RRN3: variants seen among roughly 807,000 people sequenced by gnomAD.
RRN3 encodes RNA polymerase I-specific transcription initiation factor RRN3.
In RRN3, 38 loss-of-function variants were observed where a neutral mutation model predicts 82.3. The ratio of observed to expected loss-of-function variants is 0.46; its 90% confidence interval spans 0.36 to 0.61. The LOEUF is 0.61. RRN3 is among the 20% of genes least tolerant of loss of function. The probability of loss-of-function intolerance (pLI) is 0.00; values close to 1 mark genes in which losing one functional copy is unlikely to be tolerated. For synonymous variants in RRN3, 284 were observed against 284.3 expected, an observed-to-expected ratio of 1.00 and a Z score of 0.01; for missense variants, 726 against 793.1, an observed-to-expected ratio of 0.92 and a Z score of 1.02.
In RRN3 at chr16:15,075,299, C is replaced by T. The variant is rs541639809; in HGVS notation, c.859-438G>A. ...CTAAAACAAAGAAATGGACCACGCACAGTGGCTCACGCCTATAATTACCAA... is the reference window on the plus strand; with the variant it reads ...CTAAAACAAAGAAATGGACCACGCATAGTGGCTCACGCCTATAATTACCAA... On this transcript the variant is annotated intron_variant, in intron 10 of 17. Coordinates refer to ENST00000198767, the MANE Select transcript of RRN3 (RefSeq NM_018427.5). 6.7e-5 allele frequency among the ~76,000 whole-genome samples: 10 copies of T among 150,238 alleles called. No homozygotes were observed. In the East Asian group the frequency reaches 2.0e-3, roughly 30 times the overall value.
intron 3 of RRN3, among the ~76,000 whole-genome samples, chr16:15,086,886 T>C (rs193203707): frequency 2.4e-4 from 37 of 152,298 alleles, no homozygotes; most frequent in African/African-American, 8.2e-4. Context: ...GGCTGATCAA[T>C]TGGGGTCATG....
intron 9 of RRN3, among the ~76,000 whole-genome samples, chr16:15,077,329 G>T (rs1194745825): frequency 6.6e-6 from 1 of 152,006 alleles, no homozygotes; most frequent in African/African-American, 2.4e-5. Flanking sequence ...CATGTTGCTG[G>T]GGGGGGACTG....
Position 15,063,281 on chromosome 16 carries a change from G to C in RRN3, c.1709C>G (p.Ser570Ter), listed in dbSNP as rs755908601. ...FPFDPCVLKRSKKFIDPIYQV... is the reference protein window; with the variant it reads ...FPFDPCVLKR ...ATAAATAGGATCAATGAATTTCTTTGACCTGTCAACAAAGATCACATTTCA... is the reference window on the plus strand; with the variant it reads ...ATAAATAGGATCAATGAATTTCTTTCACCTGTCAACAAAGATCACATTTCA... The change falls in exon 17 of 18, where the codon TCA becomes TGA. Residue 570 changes from serine (S) to a stop codon, truncating the protein, a stop_gained and splice_region_variant. Coordinates refer to ENST00000198767, the MANE Select transcript of RRN3 (RefSeq NM_018427.5). LOFTEE classifies it high-confidence loss of function. The C allele has an allele frequency of 6.2e-7, 1 of 1,610,002 alleles. No individual in the cohort carries two copies.
At chr16:15,094,103 C>CT (rs1482398490) in intron 1 of RRN3, 42 bp downstream of exon 1, 2 of 1,536,516 alleles carry the variant, frequency 1.3e-6, no homozygotes, top group African/African-American at 2.7e-5. Context: ...CCGTCCTGAG[C>CT]TTTCGTCCCA....
intron 14 of RRN3, among the ~76,000 whole-genome samples, chr16:15,069,243 T>C (rs1341868085): frequency 1.3e-5 from 2 of 151,988 alleles, no homozygotes; most frequent in Non-Finnish European, 2.9e-5. Flanking sequence ...GGGACTGCTG[T>C]TGGCAGCTAG....
intron 1 of RRN3, 106 bp from the exon 2 acceptor site, chr16:15,092,720 C>G: frequency 1.3e-6 from 1 of 742,338 alleles, no homozygotes; most frequent in Non-Finnish European, 2.3e-6. Context: ...TTGTTAAGGC[C>G]TCTTTACTGG....
chr16:15,061,956 G>T (rs368517286), intron 17 of RRN3, 51 bp from the exon 18 acceptor site: 4 of 1,525,904 alleles, frequency 2.6e-6, no homozygotes, highest in African/African-American at 1.4e-5. Flanking sequence ...TGACTGAAAA[G>T]CTTTCAACAA....
intron 10 of RRN3, among the ~76,000 whole-genome samples, chr16:15,075,495 C>T (rs947176205): frequency 2.5e-4 from 37 of 151,008 alleles, no homozygotes; most frequent in African/African-American, 8.8e-4. Context: ...CACTTGGGCC[C>T]AGGAGGTCGA....
Position 15,061,404 on chromosome 16 carries a change from A to G in RRN3, c.*340T>C, listed in dbSNP as rs2044705281. ...ATGTTAAAACAGCAACCCGTAAAAC[A>G]GTCTGCTGCCTATATTAGAAATTAC... On this transcript the variant is annotated 3_prime_UTR_variant, in exon 18 of 18. Transcript: ENST00000198767. 1 of 266,212 alleles carries G rather than the reference A, an allele frequency of 3.8e-6. No homozygotes were observed. The highest frequency in any genetic ancestry group is 2.2e-5 in the African/African-American group (1 of 45,614). The allele number at this position is 266,212 out of a possible 1,614,324, so 16.5% of individuals were successfully genotyped here.
intron 5 of RRN3, among the ~76,000 whole-genome samples, 195 bp from the exon 6 acceptor site, chr16:15,085,893 A>G (rs1009953656): frequency 6.6e-6 from 1 of 152,216 alleles, no homozygotes; most frequent in African/African-American, 2.4e-5. Flanking sequence ...TTAAACGGCT[A>G]AAAATTCCTA....
At chr16:15,062,452 G>A (rs1280906164) in intron 17 of RRN3, among the ~76,000 whole-genome samples, 1 of 152,184 alleles carries the variant, frequency 6.6e-6, no homozygotes, top group African/African-American at 2.4e-5. Context: ...TCTTGAAGCT[G>A]CTTTTAATGA....
chr16:15,089,368 G>A (rs2046028980), intron 3 of RRN3, among the ~76,000 whole-genome samples: 1 of 152,046 alleles, frequency 6.6e-6, no homozygotes, highest in Non-Finnish European at 1.5e-5. Context: ...AATATATTAG[G>A]ACACAGGTAG....
chr16:15,091,096 A>G (rs2046114686), intron 3 of RRN3, among the ~76,000 whole-genome samples: 1 of 152,230 alleles, frequency 6.6e-6, no homozygotes, highest in Admixed American at 6.5e-5. Flanking sequence ...ACTAGATGCC[A>G]GTAGCACCCT....
intron 2 of RRN3, 102 bp downstream of exon 2, chr16:15,092,407 G>A (rs1012554463): frequency 6.0e-5 from 44 of 731,210 alleles, no homozygotes; most frequent in Admixed American, 3.3e-4. Flanking sequence ...ATTTCAACTG[G>A]TATCTTAATT....
chr16:15,083,377 C>T (rs569360425), intron 8 of RRN3, 136 bp downstream of exon 8: 25 of 1,367,544 alleles, frequency 1.8e-5, no homozygotes, highest in Admixed American at 8.0e-5. Context: ...CCAGCTTGGG[C>T]GACAGAGTGA....
chr16:15,062,392 G>GA (rs1228409526), intron 17 of RRN3, among the ~76,000 whole-genome samples: 1 of 152,154 alleles, frequency 6.6e-6, no homozygotes, highest in Admixed American at 6.5e-5. Flanking sequence ...AGAAAAAGAT[G>GA]AAAGGGGCTT....
At chr16:15,071,082 C>T (rs1408940490) in intron 13 of RRN3, 39 bp downstream of exon 13, 1 of 1,549,284 alleles carries the variant, frequency 6.5e-7, no homozygotes, top group African/African-American at 1.4e-5. Flanking sequence ...CTTTTTAAAG[C>T]ATGATATTAA....
intron 11 of RRN3, among the ~76,000 whole-genome samples, chr16:15,073,953 T>A (rs1322655258): frequency 1.3e-5 from 2 of 152,140 alleles, no homozygotes; most frequent in Non-Finnish European, 2.9e-5. Flanking sequence ...AGCATCCATG[T>A]AAAGGGCAGA....
chr16:15,091,225 T>C, intron 3 of RRN3, 90 bp downstream of exon 3: 1 of 1,526,746 alleles, frequency 6.5e-7, no homozygotes, highest in Non-Finnish European at 8.9e-7. Flanking sequence ...AGAGAGCAAG[T>C]TCTGGAGGAC....
Sources: allele counts gnomAD v4.1 joint callset (sites outside exome capture counted in the v4.1 genomes callset), GRCh38; gene constraint gnomAD v4.1.1; transcripts MANE v1.5; gene names NCBI Gene and HGNC (gene_info 2026-07-23, HGNC 2026-07-21).